The following CDH4 variants were observed in gnomAD, a reference collection of about 807,000 sequenced individuals.
CDH4 encodes the protein cadherin 4.
Under a neutral mutation model 86.0 loss-of-function variants are expected in CDH4, and 33 were observed. The ratio of observed to expected loss-of-function variants is 0.38; its 90% CI spans 0.29 to 0.51. The LOEUF is 0.51. Ranked by LOEUF, CDH4 falls within the 20% of genes least tolerant of loss-of-function variation. The pLI is 0.86. For missense variants in CDH4, 1,114 were observed against 1,307.4 expected, an observed-to-expected ratio of 0.85 and a Z score of 2.28; for synonymous variants, 555 against 549.4, an observed-to-expected ratio of 1.01 and a Z score of -0.14.
rs150029044 is a variant in CDH4, at chr20:61,309,693, T to C, written c.169+54756T>C. 4.4e-3 allele frequency among the ~76,000 whole-genome samples: 669 copies of C among 152,350 alleles called. 8 individuals are homozygous for C. The highest frequency in any genetic ancestry group is 0.015 in the African/African-American group (639 of 41,582). On this transcript the variant is annotated intron_variant, in intron 2 of 15. Coordinates refer to ENST00000614565, the MANE Select transcript of CDH4 (RefSeq NM_001794.5). ...AATGCATGAACTTAATTATTCTATT[T>C]AGTGGGGATTTGAACAGTATAAAGA...
At chr20:61,837,932 C>T (rs936409787) in intron 4 of CDH4, among the ~76,000 whole-genome samples, 6 of 152,134 alleles carry the variant, frequency 3.9e-5, no homozygotes, top group African/African-American at 1.4e-4. Flanking sequence ...CCTGTGGCCT[C>T]CCTTCCTGTT....
chr20:61,310,739 TG>T (rs1417461468), intron 2 of CDH4, among the ~76,000 whole-genome samples: 1 of 152,106 alleles, frequency 6.6e-6, no homozygotes, highest in African/African-American at 2.4e-5. Context: ...TTGGCAGGGT[TG>T]GGTTTTCCTG....
intron 4 of CDH4, among the ~76,000 whole-genome samples, chr20:61,817,591 C>T (rs1218587235): frequency 2.0e-5 from 3 of 152,096 alleles, no homozygotes; most frequent in African/African-American, 4.8e-5. Context: ...GCCTGTCCTG[C>T]GCACTTTGTC....
At chr20:61,743,397 G>T (rs755825591) in intron 2 of CDH4, among the ~76,000 whole-genome samples, 166 bp from the exon 3 acceptor site, 3 of 152,184 alleles carry the variant, frequency 2.0e-5, no homozygotes, top group Non-Finnish European at 4.4e-5. Flanking sequence ...TTCTCTAGGG[G>T]GTTGAGATAA....
chr20:61,577,979 C>A (rs1044310705), intron 2 of CDH4, among the ~76,000 whole-genome samples: 2 of 152,144 alleles, frequency 1.3e-5, no homozygotes, highest in Non-Finnish European at 2.9e-5. Flanking sequence ...CCCTGAGGCC[C>A]CCTGTCCCCA....
Position 61,653,131 on chromosome 20 carries a change from G to T in CDH4, c.170-90432G>T, listed in dbSNP as rs2087142710. On this transcript the variant is annotated intron_variant, in intron 2 of 15. Transcript: ENST00000614565. ...TGGGTACTTGAGATTAGGGAGTGGT[G>T]ATGACTCTTAACGAGCATACTGCCT... is the stretch of plus-strand genomic sequence containing the variant. Among the ~76,000 whole-genome samples, 2 of 125,608 alleles carry T rather than the reference G, an allele frequency of 1.6e-5. 1 individual carries two copies. The highest frequency in any genetic ancestry group is 1.6e-4 in the Admixed American group (2 of 12,688). 82.4% of individuals were successfully genotyped at this position (125,608 alleles called of 152,430 possible). A position where few individuals can be genotyped will look rare whatever the true frequency, so the allele number is the denominator to read the frequency against.
At chr20:61,887,890 G>A (rs543212393) in intron 7 of CDH4, among the ~76,000 whole-genome samples, 1 of 152,332 alleles carries the variant, frequency 6.6e-6, no homozygotes, top group South Asian at 2.1e-4. Context: ...ACCCTACGCT[G>A]CAGGATGGGT....
intron 2 of CDH4, among the ~76,000 whole-genome samples, chr20:61,736,732 G>A (rs1218527571): frequency 6.6e-6 from 1 of 152,128 alleles, no homozygotes; most frequent in Non-Finnish European, 1.5e-5. Context: ...TTCACGACAG[G>A]CGGGGTCCCT....
chr20:61,889,728 C>T (rs1568869163), intron 7 of CDH4, among the ~76,000 whole-genome samples: 1 of 121,210 alleles, frequency 8.3e-6, no homozygotes, highest in Admixed American at 8.7e-5. Flanking sequence ...GATGGACAGA[C>T]AGATGGATGA....
At chr20:61,579,210 C>G (rs111938635) in intron 2 of CDH4, among the ~76,000 whole-genome samples, 4 of 152,132 alleles carry the variant, frequency 2.6e-5, no homozygotes, top group Non-Finnish European at 5.9e-5. Flanking sequence ...CACTTTACCC[C>G]ACTCGAGCAG....
intron 2 of CDH4, among the ~76,000 whole-genome samples, chr20:61,688,808 A>G (rs1043118582): frequency 1.3e-5 from 2 of 152,270 alleles, no homozygotes; most frequent in Non-Finnish European, 2.9e-5. Flanking sequence ...CACAAGTAAC[A>G]TAATGCAGAA....
chr20:61,882,955 C>G (rs1211022191), intron 7 of CDH4, among the ~76,000 whole-genome samples: 1 of 152,208 alleles, frequency 6.6e-6, no homozygotes, highest in East Asian at 1.9e-4. Context: ...GCCCCAGCCT[C>G]TGCGCATCTC....
In CDH4 at chr20:61,925,862, A is replaced by G. The variant is rs550387741; in HGVS notation, c.1771+1386A>G. 5.3e-5 allele frequency among the ~76,000 whole-genome samples: 8 copies of G among 152,244 alleles called. No individual in the cohort carries two copies. The East Asian group carries it at 1.5e-3, about 29-fold the overall frequency. On this transcript the variant is annotated intron_variant, in intron 11 of 15. Transcript: ENST00000614565. ...AAGGCCTTGCAGGGAGGGCACGGGC[A>G]CACGTCTGCTACTAAGGACTTTCAG...
At chr20:61,838,838 A>AG (rs1982001421) in intron 4 of CDH4, among the ~76,000 whole-genome samples, 2 of 123,804 alleles carry the variant, frequency 1.6e-5, no homozygotes, top group African/African-American at 5.9e-5. Flanking sequence ...AAAAAAAAAA[A>AG]GAAAGAAAGA....
intron 2 of CDH4, among the ~76,000 whole-genome samples, chr20:61,737,654 T>C (rs1447863615): frequency 6.6e-6 from 1 of 152,196 alleles, no homozygotes; most frequent in Non-Finnish European, 1.5e-5. Flanking sequence ...CTGGGTGCCT[T>C]GCTCCCTGGT....
intron 2 of CDH4, among the ~76,000 whole-genome samples, chr20:61,355,814 G>A (rs990074528): frequency 6.6e-6 from 1 of 152,220 alleles, no homozygotes; most frequent in African/African-American, 2.4e-5. Flanking sequence ...GCGCACTACA[G>A]TCAGAAGGCC....
chr20:61,571,039 G>C (rs1025285917), intron 2 of CDH4, among the ~76,000 whole-genome samples: 5 of 152,300 alleles, frequency 3.3e-5, no homozygotes, highest in African/African-American at 1.2e-4. Flanking sequence ...CTGTTACCTG[G>C]CTCATCTCCA....
At chr20:61,884,536 C>T (rs116880722) in intron 7 of CDH4, among the ~76,000 whole-genome samples, 3,505 of 151,808 alleles carry the variant, frequency 0.023, 49 homozygotes, top group Non-Finnish European at 0.036. Context: ...TGGCCGTGCC[C>T]CTGAGCAGGG....
chr20:61,757,090 G>A (rs1393127429), intron 3 of CDH4, among the ~76,000 whole-genome samples: 1 of 152,330 alleles, frequency 6.6e-6, no homozygotes, highest in Non-Finnish European at 1.5e-5. Flanking sequence ...ATTTTAATGA[G>A]TGTGAATAAC....
Sources: gnomAD v4.1 joint callset for allele counts (sites outside exome capture counted in the v4.1 genomes callset) on GRCh38, gnomAD v4.1.1 for gene constraint, MANE v1.5 for transcripts, NCBI Gene and HGNC (gene_info 2026-07-23, HGNC 2026-07-21) for gene names.